Variants in GLYATL2 observed in about 807,000 individuals in gnomAD.
GLYATL2 encodes the protein glycine-N-acyltransferase like 2, also known as glycine N-acyltransferase-like protein 2.
In GLYATL2, 25 loss-of-function variants were observed where a neutral mutation model predicts 21.4. That is an observed-to-expected ratio of 1.17 (90% CI 0.85 to 1.63). GLYATL2 has a LOEUF of 1.63. GLYATL2 is among the 40% of genes most tolerant of loss of function. The probability of loss-of-function intolerance (pLI) is 0.00; values close to 1 mark genes in which losing one functional copy is unlikely to be tolerated. For synonymous variants in GLYATL2, 114 were observed against 118.2 expected (o/e 0.96, Z 0.23); for missense variants, 361 against 343.3 (o/e 1.05, Z -0.41).
At chr11:58,860,339 A>C (rs1565096157) in intron 1 of GLYATL2, among the ~76,000 whole-genome samples, 1 of 148,784 alleles carries the variant, frequency 6.7e-6, no homozygotes, top group South Asian at 2.2e-4. Flanking sequence ...CACCTTGTTT[A>C]AGTTTACTCC....
upstream of GLYATL2, among the ~76,000 whole-genome samples, chr11:58,847,005 A>C (rs1377796496): frequency 1.3e-5 from 2 of 152,098 alleles, no homozygotes; most frequent in Non-Finnish European, 2.9e-5. Context: ...CAGCTCAGCC[A>C]CAACAGGATA....
intron 1 of GLYATL2, among the ~76,000 whole-genome samples, chr11:58,864,728 T>C (rs535841975): frequency 6.7e-6 from 1 of 149,338 alleles, no homozygotes; most frequent in East Asian, 2.2e-4. Context: ...CCTGGTATCC[T>C]TAGTTCTTGT....
chr11:58,906,112 T>C (rs1291638266), upstream of GLYATL2, among the ~76,000 whole-genome samples: 5 of 152,094 alleles, frequency 3.3e-5, no homozygotes, highest in African/African-American at 1.2e-4. Flanking sequence ...GCCGGTTCTT[T>C]GAGTGGTTTT....
intron 1 of GLYATL2, among the ~76,000 whole-genome samples, chr11:58,899,217 C>A (rs1854689321): frequency 6.6e-6 from 1 of 152,048 alleles, no homozygotes; most frequent in Admixed American, 6.6e-5. Flanking sequence ...ACTTCAAGTT[C>A]ATAAAATGAA....
intron 1 of GLYATL2, among the ~76,000 whole-genome samples, chr11:58,883,670 C>T (rs1332855616): frequency 2.6e-5 from 4 of 152,098 alleles, no homozygotes; most frequent in Non-Finnish European, 5.9e-5. Flanking sequence ...CCTTCTGAAA[C>T]TATTCCAATC....
intron 1 of GLYATL2, among the ~76,000 whole-genome samples, chr11:58,852,520 A>G (rs189240634): frequency 9.0e-4 from 137 of 152,330 alleles, no homozygotes; most frequent in Admixed American, 1.8e-3. Flanking sequence ...CAACAACTCT[A>G]TGAGGTAATC....
chr11:58,871,184 T>C (rs926713551), intron 1 of GLYATL2, among the ~76,000 whole-genome samples: 1 of 152,176 alleles, frequency 6.6e-6, no homozygotes, highest in African/African-American at 2.4e-5. Context: ...AAACAGGCCA[T>C]TAGATACATA....
At chr11:58,877,949 A>C (rs1161244745) in intron 1 of GLYATL2, among the ~76,000 whole-genome samples, 1 of 152,214 alleles carries the variant, frequency 6.6e-6, no homozygotes, top group African/African-American at 2.4e-5. Context: ...AGTAGTGTGC[A>C]CCTGTAACTA....
At chr11:58,877,463 C>T (rs1183422230) in intron 1 of GLYATL2, among the ~76,000 whole-genome samples, 2 of 152,160 alleles carry the variant, frequency 1.3e-5, no homozygotes, top group Non-Finnish European at 2.9e-5. Context: ...CAGATGGGAT[C>T]ACCAGGGGGA....
At chr11:58,894,706 A>T (rs539744865) in intron 1 of GLYATL2, among the ~76,000 whole-genome samples, 10 of 151,282 alleles carry the variant, frequency 6.6e-5, no homozygotes, top group Admixed American at 2.0e-4. Context: ...ATGGAGCTTT[A>T]AAAAAAACTC....
At chr11:58,864,673 A>C (rs903094566) in intron 1 of GLYATL2, among the ~76,000 whole-genome samples, 1 of 149,098 alleles carries the variant, frequency 6.7e-6, no homozygotes, top group Admixed American at 6.9e-5. Context: ...TCTTCAATTC[A>C]TCTTTTCTTA....
chr11:58,837,379 C>T lies in GLYATL2; in HGVS notation c.205G>A (p.Asp69Asn), dbSNP rs750660285. The change falls in exon 4 of 6, where the codon GAT (aspartate) becomes AAT (asparagine). Residue 69 changes from aspartate (D) to asparagine (N), a missense_variant. Coordinates refer to ENST00000287275, the MANE Select transcript of GLYATL2 (RefSeq NM_145016.4). ...PQKQEMKDDQ[D>N]HYTNTYHIFT... The stretch of plus-strand genomic sequence containing the variant: ...ATGTGGTAAGTGTTGGTATAATGAT[C>T]CTGGTCATCTTTCATCTCCTGATAT... 13 of 1,613,088 alleles carry T rather than the reference C, an allele frequency of 8.1e-6. No homozygotes were observed. In the South Asian group the frequency reaches 9.9e-5, roughly 12 times the overall value.
chr11:58,834,788 C>A lies in GLYATL2; in HGVS notation c.526G>T (p.Val176Leu), dbSNP rs199566288. Residue 176 changes from valine to leucine, a missense_variant, in exon 6 of 6, where the codon GTG becomes TTG. Physicochemically the swap from Val to Leu is conservative, Grantham distance 32 (BLOSUM62 1). Transcript: ENST00000287275. ...MFLDASHAGL[V>L]NEHWAFGKNE... is the part of the protein sequence containing the mutation. Reference sequence around the variant, plus strand: ...TTCCCAAAGGCCCAGTGTTCATTCACAAGACCTGCATGTGAAGCATCTAAG... The same window carrying A: ...TTCCCAAAGGCCCAGTGTTCATTCAAAAGACCTGCATGTGAAGCATCTAAG... 1 of 1,612,638 alleles carries A rather than the reference C, an allele frequency of 6.2e-7. No individual in the cohort carries two copies. The highest frequency in any genetic ancestry group is 8.5e-7 in the Non-Finnish European group (1 of 1,179,512).
At chr11:58,862,318 T>C (rs572267592) in intron 1 of GLYATL2, among the ~76,000 whole-genome samples, 56 of 152,328 alleles carry the variant, frequency 3.7e-4, no homozygotes, top group African/African-American at 1.3e-3. Flanking sequence ...CAAACACTTT[T>C]AATGTTCCTA....
rs1444164666 is a variant in GLYATL2 at position 58,834,447 on chromosome 11, G to C, written c.867C>G (p.Thr289=). 2.5e-6 allele frequency: 4 copies of C among 1,591,556 alleles called. No homozygotes were observed. The highest frequency in any genetic ancestry group is 3.4e-6 in the Non-Finnish European group (4 of 1,170,364). The change falls in exon 6 of 6, where the codon ACC becomes ACG. Residue 289 remains threonine, a synonymous_variant. Transcript: ENST00000287275. ...CPCGWHQWKC[T]PKKYC ...GAATCAATCAACAATATTTCTTGGG[G>C]GTGCATTTCCACTGATGCCAGCCAC...
At chr11:58,902,610 C>T (rs1854758997) in intron 1 of GLYATL2, among the ~76,000 whole-genome samples, 1 of 152,198 alleles carries the variant, frequency 6.6e-6, no homozygotes, top group South Asian at 2.1e-4. Flanking sequence ...CCTAACTTCA[C>T]CAGACCTGGC....
intron 1 of GLYATL2, among the ~76,000 whole-genome samples, chr11:58,891,358 C>A (rs765863751): frequency 6.6e-6 from 1 of 152,180 alleles, no homozygotes. Context: ...ATGAGTCTAA[C>A]ACTACATAAA....
chr11:58,851,518 A>G (rs1853740846), intron 1 of GLYATL2, among the ~76,000 whole-genome samples: 2 of 152,088 alleles, frequency 1.3e-5, no homozygotes, highest in African/African-American at 4.8e-5. Flanking sequence ...TTTTTGCATC[A>G]GTATATGCAC....
At chr11:58,862,828 CTT>C (rs34882979) in intron 1 of GLYATL2, among the ~76,000 whole-genome samples, 6 of 151,574 alleles carry the variant, frequency 4.0e-5, no homozygotes, top group African/African-American at 7.3e-5. Flanking sequence ...ATTGGTTATT[CTT>C]TTTTTTTTCT....
Sources: gnomAD v4.1 joint callset for allele counts (sites outside exome capture counted in the v4.1 genomes callset) on GRCh38, gnomAD v4.1.1 for gene constraint, MANE v1.5 for transcripts, NCBI Gene and HGNC (gene_info 2026-07-23, HGNC 2026-07-21) for gene names.